FHIT: variants seen among roughly 807,000 people sequenced by gnomAD.
The protein encoded by FHIT is fragile histidine triad diadenosine triphosphatase, also known as bis(5'-adenosyl)-triphosphatase.
A neutral mutation model predicts 17.9 loss-of-function variants in FHIT; 19 were observed. The observed-to-expected ratio is 1.06, with a 90% CI of 0.74 to 1.56. The LOEUF (loss-of-function observed/expected upper bound fraction) is 1.56. Among genes scored for constraint, FHIT ranks in the 40% most tolerant of loss-of-function variants. FHIT has a pLI of 0.00. For synonymous variants in FHIT, 81 were observed against 69.7 expected (o/e 1.16, Z -0.81); for missense variants, 248 against 189.2 (o/e 1.31, Z -1.82).
chr3:60,509,066 G>A (rs900445547), intron 5 of FHIT, among the ~76,000 whole-genome samples: 2 of 152,008 alleles, frequency 1.3e-5, no homozygotes, highest in Non-Finnish European at 2.9e-5. Flanking sequence ...TGGGGTACCT[G>A]CAACTCCCCC....
At chr3:60,019,191 A>G (rs1700458149) in intron 5 of FHIT, among the ~76,000 whole-genome samples, 1 of 152,142 alleles carries the variant, frequency 6.6e-6, no homozygotes, top group Non-Finnish European at 1.5e-5. Flanking sequence ...AATTTGCTTA[A>G]GGCTTACATT....
chr3:60,909,488 G>T (rs1706616133), intron 3 of FHIT, among the ~76,000 whole-genome samples: 1 of 152,044 alleles, frequency 6.6e-6, no homozygotes. Flanking sequence ...AGTATATAAT[G>T]CAGTATTGTG....
At chr3:60,989,628 G>A (rs2030006131) in intron 3 of FHIT, among the ~76,000 whole-genome samples, 1 of 152,142 alleles carries the variant, frequency 6.6e-6, no homozygotes. Context: ...CAGCAGTGAG[G>A]CTGTTAATCC....
intron 4 of FHIT, among the ~76,000 whole-genome samples, chr3:60,712,184 A>G (rs1553705303): frequency 6.6e-6 from 1 of 152,192 alleles, no homozygotes; most frequent in Non-Finnish European, 1.5e-5. Flanking sequence ...ACTAAGCTTC[A>G]TAAGTGAAGG....
chr3:60,523,682 C>T (rs779684223), intron 5 of FHIT, among the ~76,000 whole-genome samples: 42 of 152,108 alleles, frequency 2.8e-4, no homozygotes, highest in Admixed American at 7.9e-4. Flanking sequence ...CATGAGCCGA[C>T]GAGTTATCAA....
chr3:60,207,228 C>G (rs1703238769), intron 5 of FHIT, among the ~76,000 whole-genome samples: 1 of 151,760 alleles, frequency 6.6e-6, no homozygotes, highest in Admixed American at 6.6e-5. Context: ...GGGAAAAAGT[C>G]AATATAAAAA....
At chr3:60,557,037 A>G (rs774265376) in intron 4 of FHIT, among the ~76,000 whole-genome samples, 4 of 152,218 alleles carry the variant, frequency 2.6e-5, no homozygotes, top group African/African-American at 7.2e-5. Context: ...TAAAATTGGC[A>G]TTTGTTAACC....
At chr3:60,801,365 C>T (rs1249315375) in intron 4 of FHIT, among the ~76,000 whole-genome samples, 1 of 152,224 alleles carries the variant, frequency 6.6e-6, no homozygotes, top group Non-Finnish European at 1.5e-5. Flanking sequence ...CTGGTTTCCA[C>T]AGCGACAGCC....
intron 4 of FHIT, among the ~76,000 whole-genome samples, chr3:60,675,464 A>T (rs1053362283): frequency 6.6e-6 from 1 of 152,230 alleles, no homozygotes; most frequent in African/African-American, 2.4e-5. Flanking sequence ...AGGAAGCTCA[A>T]GTTCTCCCAT....
chr3:59,920,032 C>T (rs146837069), intron 8 of FHIT, among the ~76,000 whole-genome samples: 1 of 152,186 alleles, frequency 6.6e-6, no homozygotes, highest in Admixed American at 6.5e-5. Flanking sequence ...GGGAATCTCA[C>T]CCTTGGAAAG....
intron 4 of FHIT, among the ~76,000 whole-genome samples, chr3:60,615,948 G>T (rs1553675739): frequency 1.3e-5 from 2 of 152,190 alleles, no homozygotes; most frequent in Non-Finnish European, 2.9e-5. Context: ...TTGGAAGTCA[G>T]ACAAATGTGC....
At chr3:60,537,743 GA>G (rs960359119) in intron 4 of FHIT, among the ~76,000 whole-genome samples, 5 of 152,118 alleles carry the variant, frequency 3.3e-5, no homozygotes, top group Admixed American at 2.6e-4. Context: ...TAGCACCAAG[GA>G]ATGACTTTTC....
At chr3:60,006,411 T>C (rs894515898) in intron 7 of FHIT, among the ~76,000 whole-genome samples, 1 of 152,134 alleles carries the variant, frequency 6.6e-6, no homozygotes, top group Admixed American at 6.6e-5. Context: ...TACAACCCCT[T>C]AAAGCCTAGC....
chr3:60,131,075 GTATACACATA>G (rs1318667047), intron 5 of FHIT, among the ~76,000 whole-genome samples: 20 of 41,498 alleles, frequency 4.8e-4, no homozygotes, highest in African/African-American at 8.7e-4. Context: ...ATGTATGTAT[GTATACACATA>G]TATACACATA....
rs147498988 is a variant in FHIT, at chr3:59,776,657, C to T, written c.349-24336G>A. Among the ~76,000 whole-genome samples the T allele has an allele frequency of 6.6e-3, 1,000 of 152,296 alleles. 12 individuals are homozygous for T. Among genetic ancestry groups the T allele is most frequent in the South Asian group, 0.04 (191 of 4,824 alleles). On this transcript the variant is annotated intron_variant, in intron 8 of 9. Transcript: ENST00000492590. Reference sequence around the variant, plus strand: ...CTACTCTTGACTCCCTACAGTCCAGCATCATTTAAGAACATAAACCAGATC... The same window carrying T: ...CTACTCTTGACTCCCTACAGTCCAGTATCATTTAAGAACATAAACCAGATC...
At chr3:60,319,604 G>A (rs573088599) in intron 5 of FHIT, among the ~76,000 whole-genome samples, 14 of 152,230 alleles carry the variant, frequency 9.2e-5, no homozygotes, top group Admixed American at 3.9e-4. Flanking sequence ...GTGTTTACAG[G>A]AAGATACAGA....
At chr3:60,235,231 G>GTTT (rs375274237) in intron 5 of FHIT, among the ~76,000 whole-genome samples, 1 of 147,260 alleles carries the variant, frequency 6.8e-6, no homozygotes, top group African/African-American at 2.5e-5. Context: ...GCTTTTGTTT[G>GTTT]TTGTTTTTTT....
At chr3:61,090,630 A>G (rs1404098782) in intron 2 of FHIT, among the ~76,000 whole-genome samples, 1 of 152,200 alleles carries the variant, frequency 6.6e-6, no homozygotes, top group Non-Finnish European at 1.5e-5. Context: ...GAAAAAGTAC[A>G]TATGCATGTG....
intron 5 of FHIT, among the ~76,000 whole-genome samples, chr3:60,166,173 T>A (rs1406519992): frequency 6.8e-6 from 1 of 147,118 alleles, no homozygotes; most frequent in Non-Finnish European, 1.5e-5. Flanking sequence ...TGTTTTTCCA[T>A]AATTTGGGCT....
Sources: gnomAD v4.1 joint callset for allele counts (sites outside exome capture counted in the v4.1 genomes callset) on GRCh38, gnomAD v4.1.1 for gene constraint, MANE v1.5 for transcripts, NCBI Gene and HGNC (gene_info 2026-07-23, HGNC 2026-07-21) for gene names.